Variants in EYA2 observed in about 807,000 individuals in gnomAD.
The protein encoded by EYA2 is protein phosphatase EYA2.
A neutral mutation model predicts 69.2 loss-of-function variants in EYA2; 31 were observed. That is an observed-to-expected ratio of 0.45 (90% CI 0.34 to 0.60). The LOEUF (loss-of-function observed/expected upper bound fraction) is 0.60. Among genes scored for constraint, EYA2 ranks in the 20% least tolerant of loss-of-function variants. The pLI, the probability that EYA2 is intolerant of heterozygous loss-of-function variation, is 0.02. For missense variants in EYA2, 622 were observed against 701.2 expected (o/e 0.89, Z 1.28); for synonymous variants, 257 against 279.4 (o/e 0.92, Z 0.80).
chr20:47,115,750 C>T (rs976099662), intron 9 of EYA2, among the ~76,000 whole-genome samples: 1 of 152,222 alleles, frequency 6.6e-6, no homozygotes, highest in African/African-American at 2.4e-5. Context: ...GGGATTGTGC[C>T]ACCTTCTCCA....
chr20:47,057,732 C>T (rs879290104), intron 5 of EYA2, among the ~76,000 whole-genome samples: 4 of 152,202 alleles, frequency 2.6e-5, no homozygotes, highest in African/African-American at 9.7e-5. Flanking sequence ...CCCATGAGGC[C>T]TCCTTTGCAC....
chr20:46,992,503 AG>A lies in EYA2; in HGVS notation c.109+2385del, dbSNP rs1458795479. On this transcript the variant is annotated intron_variant, in intron 2 of 15. Coordinates refer to ENST00000327619, the MANE Select transcript of EYA2 (RefSeq NM_005244.5). ...TGGAGGAGTTACGTAACCAGGTTAA[AG>A]TCACACCAGAATCAAACCCAGGCAC... 8.5e-5 allele frequency among the ~76,000 whole-genome samples: 13 copies of A among 152,358 alleles called. 1 individual carries two copies. Among genetic ancestry groups the A allele is most frequent in the African/African-American group, 3.1e-4 (13 of 41,588 alleles).
At chr20:47,057,133 A>AGGAT (rs2030661232) in intron 5 of EYA2, among the ~76,000 whole-genome samples, 1 of 110,332 alleles carries the variant, frequency 9.1e-6, no homozygotes, top group African/African-American at 3.6e-5. Flanking sequence ...GAAGACAGGA[A>AGGAT]GGAGGGAGGA....
At chr20:46,985,144 T>C (rs1981101884) in intron 1 of EYA2, among the ~76,000 whole-genome samples, 1 of 152,208 alleles carries the variant, frequency 6.6e-6, no homozygotes, top group Non-Finnish European at 1.5e-5. Context: ...TAAGGATAAA[T>C]GGGAACTTTT....
rs758427111 is a variant in EYA2 at position 47,188,059 on chromosome 20, A to G, written c.1543A>G (p.Met515Val). ...EEEQGAKKHN[M>V]PFWRISCHAD... is the part of the protein sequence containing the mutation. ...CTGGTGTTCTGTGTTTCAGCACAAC[A>G]TGCCTTTCTGGCGGATATCCTGCCA... Residue 515 changes from methionine (M) to valine (V), a missense_variant, in exon 16 of 16, where the codon ATG becomes GTG. Transcript: ENST00000327619. 1 of 1,570,290 alleles carries G rather than the reference A, an allele frequency of 6.4e-7. No homozygotes were observed. Among genetic ancestry groups the G allele is most frequent in the East Asian group, 2.3e-5 (1 of 42,648 alleles).
chr20:47,111,016 A>G (rs927012680), intron 9 of EYA2, among the ~76,000 whole-genome samples: 7 of 152,252 alleles, frequency 4.6e-5, no homozygotes, highest in Non-Finnish European at 7.3e-5. Flanking sequence ...CCTTCATGGC[A>G]GTTTGGCTGG....
At chr20:46,986,070 C>T (rs767704953) in intron 1 of EYA2, among the ~76,000 whole-genome samples, 2 of 151,864 alleles carry the variant, frequency 1.3e-5, no homozygotes, top group Admixed American at 6.6e-5. Flanking sequence ...ATTTCTGGCA[C>T]CTGTAGCCAG....
At chr20:47,046,252 A>G (rs925992554) in intron 5 of EYA2, among the ~76,000 whole-genome samples, 7 of 152,314 alleles carry the variant, frequency 4.6e-5, no homozygotes, top group Admixed American at 4.6e-4. Context: ...TTCATGACCA[A>G]ATCACCTCCC....
intron 10 of EYA2, among the ~76,000 whole-genome samples, chr20:47,166,431 A>AAAAAAAG (rs2034195004): frequency 8.4e-6 from 1 of 118,552 alleles, no homozygotes; most frequent in Non-Finnish European, 1.8e-5. Context: ...AAAAAAAAAA[A>AAAAAAAG]GCTTTTTGCT....
intron 5 of EYA2, among the ~76,000 whole-genome samples, chr20:47,064,857 ATGCTGTT>A (rs1366942123): frequency 3.5e-4 from 54 of 152,162 alleles, no homozygotes; most frequent in Admixed American, 2.0e-3. Context: ...AACATGAGAG[ATGCTGTT>A]CACTGGGGCA....
intron 1 of EYA2, among the ~76,000 whole-genome samples, chr20:46,912,238 C>G (rs142203826): frequency 6.6e-6 from 1 of 152,146 alleles, no homozygotes. Flanking sequence ...ACTACATGTT[C>G]GCAACTGCTA....
At chr20:47,089,860 C>A (rs1600701318) in intron 8 of EYA2, among the ~76,000 whole-genome samples, 1 of 152,016 alleles carries the variant, frequency 6.6e-6, no homozygotes, top group Non-Finnish European at 1.5e-5. Flanking sequence ...AAAACAGATA[C>A]CCTGGCCCCA....
intron 1 of EYA2, among the ~76,000 whole-genome samples, chr20:46,953,957 C>G (rs1430135389): frequency 2.0e-5 from 3 of 152,146 alleles, no homozygotes; most frequent in Admixed American, 1.3e-4. Flanking sequence ...TGTGAGCTGG[C>G]CCTTGGCTAC....
At chr20:47,003,816 T>G (rs1265388002) in intron 3 of EYA2, among the ~76,000 whole-genome samples, 2 of 152,232 alleles carry the variant, frequency 1.3e-5, no homozygotes, top group Non-Finnish European at 2.9e-5. Flanking sequence ...AAGCATGGGC[T>G]CTGGAGTCAG....
chr20:47,164,198 C>T (rs766479779), intron 10 of EYA2, among the ~76,000 whole-genome samples: 17 of 152,142 alleles, frequency 1.1e-4, no homozygotes, highest in African/African-American at 3.4e-4. Flanking sequence ...CGCGGTCCAG[C>T]TCCCCTCCGA....
intron 4 of EYA2, among the ~76,000 whole-genome samples, chr20:47,006,183 A>G (rs1263379366): frequency 1.3e-5 from 2 of 152,212 alleles, no homozygotes; most frequent in Non-Finnish European, 2.9e-5. Flanking sequence ...GCAGAGTCCC[A>G]GGAATTTCTC....
At chr20:46,978,615 A>G (rs762754674) in intron 1 of EYA2, 2 of 534,808 alleles carry the variant, frequency 3.7e-6, no homozygotes, top group South Asian at 2.8e-5. Context: ...GAAAGCCGTC[A>G]GAGGTTATAA....
intron 7 of EYA2, 67 bp from the exon 8 acceptor site, chr20:47,089,172 G>C: frequency 6.3e-7 from 1 of 1,580,370 alleles, no homozygotes; most frequent in Non-Finnish European, 8.6e-7. Context: ...GTGCTGTTGG[G>C]ATATTTCCCA....
chr20:47,133,071 G>A (rs1470114389), intron 9 of EYA2, among the ~76,000 whole-genome samples: 1 of 152,142 alleles, frequency 6.6e-6, no homozygotes, highest in African/African-American at 2.4e-5. Context: ...ATCAGCTTAG[G>A]CCAAAAAGGA....
Sources: gnomAD v4.1 joint callset for allele counts (sites outside exome capture counted in the v4.1 genomes callset) on GRCh38, gnomAD v4.1.1 for gene constraint, MANE v1.5 for transcripts, NCBI Gene and HGNC (gene_info 2026-07-23, HGNC 2026-07-21) for gene names.